SLC22A31: variants seen among roughly 807,000 people sequenced by gnomAD.
SLC22A31 encodes the protein solute carrier family 22 member 31.
Under a neutral mutation model 27.4 loss-of-function variants are expected in SLC22A31, and 42 were observed. The observed-to-expected ratio is 1.53, with a 90% confidence interval of 1.20 to 1.98. The LOEUF (loss-of-function observed/expected upper bound fraction) is 1.98. SLC22A31 is among the 30% of genes most tolerant of loss of function. SLC22A31 has a pLI of 0.00. For synonymous variants in SLC22A31, 290 were observed against 230.8 expected, an observed-to-expected ratio of 1.26 and a Z score of -2.33; for missense variants, 593 against 479.9, an observed-to-expected ratio of 1.24 and a Z score of -2.20.
chr16:89,195,822 C>T lies in SLC22A31; in HGVS notation c.*177G>A, dbSNP rs1915826767. 1 of 661,422 alleles carries T rather than the reference C, an allele frequency of 1.5e-6. No homozygotes were observed. The highest frequency in any genetic ancestry group is 2.4e-6 in the Non-Finnish European group (1 of 422,922). 41.0% of individuals were successfully genotyped at this position (661,422 alleles called of 1,614,324 possible). A position where few individuals can be genotyped will look rare whatever the true frequency, so the allele number is the denominator to read the frequency against. The stretch of plus-strand genomic sequence containing the variant: ...GTGGCTGGGGGGAGACCCAGGGCCT[C>T]CCAGTGCCTGGGGCCTGGCTGGAGA... On this transcript the variant is annotated 3_prime_UTR_variant, in exon 9 of 9. Coordinates refer to ENST00000682282, the MANE Select transcript of SLC22A31 (RefSeq NM_001384763.1).
intron 4 of SLC22A31, 72 bp downstream of exon 4, chr16:89,198,951 T>C (rs899587967): frequency 4.2e-5 from 63 of 1,507,106 alleles, no homozygotes; most frequent in Non-Finnish European, 4.9e-5. Context: ...TGGCATGGGA[T>C]ACGTCGGTGC....
intron 8 of SLC22A31, 157 bp from the exon 9 acceptor site, chr16:89,196,462 G>A: frequency 7.4e-7 from 1 of 1,348,872 alleles, no homozygotes; most frequent in Middle Eastern, 2.6e-4. Flanking sequence ...GCCCAGGCCG[G>A]CCCCTCTGTG....
At chr16:89,199,910 C>A (rs1445956995) in intron 1 of SLC22A31, 94 bp from the exon 2 acceptor site, 1 of 400,528 alleles carries the variant, frequency 2.5e-6, no homozygotes. Context: ...AAGGGGCCCT[C>A]CATGTCCTGC....
chr16:89,200,760 C>A (rs1916517682), upstream of SLC22A31, among the ~76,000 whole-genome samples: 1 of 152,208 alleles, frequency 6.6e-6, no homozygotes, highest in Non-Finnish European at 1.5e-5. Context: ...TGCCGCCCGC[C>A]TCCCCATCTC....
At chr16:89,199,372 A>G (rs933851479) in intron 3 of SLC22A31, 41 bp downstream of exon 3, 3 of 618,452 alleles carry the variant, frequency 4.9e-6, no homozygotes, top group Admixed American at 3.0e-5. Context: ...CGGGCCACCC[A>G]CTGCCCCTCC....
At chr16:89,198,963 G>A (rs946902208) in intron 4 of SLC22A31, 60 bp downstream of exon 4, 2 of 1,516,748 alleles carry the variant, frequency 1.3e-6, no homozygotes, top group Admixed American at 4.1e-5. Flanking sequence ...CGTCGGTGCA[G>A]AGGGAAGCTA....
In SLC22A31 at chr16:89,199,248, A is replaced by G. The variant is rs565679453; in HGVS notation, c.284-57T>C. The G allele has an allele frequency of 1.2e-3, 1,669 of 1,447,344 alleles. 3 individuals carry two copies. The highest frequency in any genetic ancestry group is 1.4e-3 in the Non-Finnish European group (1,564 of 1,092,744). 89.7% of individuals were successfully genotyped at this position (1,447,344 alleles called of 1,614,324 possible). ...CCTCGGGGAGGACTGGAACAGTTCC[A>G]TTGGGAACTGCGGGGACCTATTGGT... On this transcript the variant is annotated intron_variant, in intron 3 of 8. Transcript: ENST00000682282.
In SLC22A31 at chr16:89,196,015, G is replaced by A. The variant is rs780900997; in HGVS notation, c.1325C>T (p.Thr442Ile). 2 of 1,513,942 alleles carry A rather than the reference G, an allele frequency of 1.3e-6. No individual in the cohort carries two copies. Among genetic ancestry groups the A allele is most frequent in the South Asian group, 1.2e-5 (1 of 80,720 alleles). The allele number at this position is 1,513,942 out of a possible 1,614,324, so 93.8% of individuals were successfully genotyped here. The change falls in exon 9 of 9, where the codon ACC (threonine) becomes ATC (isoleucine). Residue 442 changes from threonine (T) to isoleucine (I), a missense_variant. Physicochemically the swap from Thr to Ile is moderately conservative, Grantham distance 89. Coordinates refer to ENST00000682282, the MANE Select transcript of SLC22A31 (RefSeq NM_001384763.1). ...PPSNSYWAGH[T>I]PEQH is the part of the protein sequence containing the mutation. ...CAGGCAGGACTAGTGCTGCTCGGGG[G>A]TGTGGCCGGCCCAGTAGGAGTTGGA...
At chr16:89,196,520 A>AGT in intron 8 of SLC22A31, 1 of 789,030 alleles carries the variant, frequency 1.3e-6, no homozygotes, top group Non-Finnish European at 1.9e-6. Flanking sequence ...ATTGGGGGAC[A>AGT]CACATGTGAC....
At chr16:89,198,929 C>T (rs1364349917) in intron 4 of SLC22A31, 94 bp downstream of exon 4, 1 of 1,493,420 alleles carries the variant, frequency 6.7e-7, no homozygotes, top group Admixed American at 2.1e-5. Flanking sequence ...CCCTGTAACC[C>T]ATGCGTTTAC....
chr16:89,197,798 G>T (rs1205516609), intron 7 of SLC22A31, among the ~76,000 whole-genome samples: 1 of 152,230 alleles, frequency 6.6e-6, no homozygotes, highest in African/African-American at 2.4e-5. Flanking sequence ...GAGTATATGG[G>T]CCCTCCCACA....
Position 89,198,334 on chromosome 16 carries a change from A to G in SLC22A31, c.710T>C (p.Leu237Pro). ...RNGLILGFSS[L>P]VGGGIRASFR... is the part of the protein sequence containing the mutation. ...GCTAGCTCTGATGCCTCCACCAACCAGCCTGGGAGAGAGAGCAAATCTATG... is the reference window on the plus strand; with the variant it reads ...GCTAGCTCTGATGCCTCCACCAACCGGCCTGGGAGAGAGAGCAAATCTATG... Residue 237 changes from leucine (L) to proline (P), a missense_variant and splice_region_variant, in exon 7 of 9, where the codon CTG (leucine) becomes CCG (proline). Physicochemically the swap from Leu to Pro is moderately conservative, Grantham distance 98. Coordinates refer to ENST00000682282, the MANE Select transcript of SLC22A31 (RefSeq NM_001384763.1). 3.3e-6 allele frequency: 5 copies of G among 1,535,826 alleles called. No homozygotes were observed. Among genetic ancestry groups the G allele is most frequent in the Non-Finnish European group, 4.4e-6 (5 of 1,146,848 alleles).
In SLC22A31 at chr16:89,198,722, C is replaced by T. The variant is rs1160880353; in HGVS notation, c.528G>A (p.Leu176=). The part of the protein sequence containing the change: ...TGQVARARKI[L]WRFAEASGVG... ...CGCCACTGGCTTCTGCAAAGCGCCA[C>T]AGGATCTTCCTGGCTCGAGCTACCT... is the stretch of plus-strand genomic sequence containing the variant. Residue 176 remains leucine, a synonymous_variant, in exon 5 of 9, where the codon CTG becomes CTA. Coordinates refer to ENST00000682282, the MANE Select transcript of SLC22A31 (RefSeq NM_001384763.1). 2 of 1,535,788 alleles carry T rather than the reference C, an allele frequency of 1.3e-6. No individual in the cohort carries two copies. Among genetic ancestry groups the T allele is most frequent in the East Asian group, 2.4e-5 (1 of 40,906 alleles).
At chr16:89,196,743 C>T (rs1448427572) in intron 8 of SLC22A31, among the ~76,000 whole-genome samples, 8 of 151,986 alleles carry the variant, frequency 5.3e-5, no homozygotes, top group African/African-American at 1.2e-4. Flanking sequence ...GTCAGGAGAT[C>T]GAGACCATCC....
chr16:89,198,615 G>C, intron 5 of SLC22A31, 37 bp downstream of exon 5: 1 of 1,528,590 alleles, frequency 6.5e-7, no homozygotes, highest in South Asian at 1.2e-5. Context: ...CCCTCCTCCA[G>C]TACCTGAATC....
chr16:89,196,305 C>G lies in SLC22A31; in HGVS notation c.1035G>C (p.Arg345Ser), dbSNP rs894777592. The change falls in exon 9 of 9, where the codon AGG (arginine) becomes AGC (serine). Residue 345 changes from arginine to serine, a missense_variant and splice_region_variant. Arg to Ser is a moderately radical substitution (Grantham distance 110). Coordinates refer to ENST00000682282, the MANE Select transcript of SLC22A31 (RefSeq NM_001384763.1). ...CCAGCACCAGGCCCAGCCCGGCCCCCCTGTGGGACAGAGTGTGTTGGGGGC... is the reference window on the plus strand; with the variant it reads ...CCAGCACCAGGCCCAGCCCGGCCCCGCTGTGGGACAGAGTGTGTTGGGGGC... ...FAAEVFPTVIRGAGLGLVLGA... is the reference protein window; with the variant it reads ...FAAEVFPTVISGAGLGLVLGA... 2.9e-5 allele frequency: 43 copies of G among 1,458,930 alleles called. No individual in the cohort carries two copies. The highest frequency in any genetic ancestry group is 4.9e-4 in the Middle Eastern group (2 of 4,100). The allele number at this position is 1,458,930 out of a possible 1,614,324, so 90.4% of individuals were successfully genotyped here.
upstream of SLC22A31, chr16:89,201,455 C>A (rs540913455): frequency 7.7e-6 from 3 of 390,914 alleles, no homozygotes; most frequent in African/African-American, 4.2e-5. Context: ...TGGCGGCGTC[C>A]AGCAGCGCGG....
At position 89,199,117 on chromosome 16, in the gene SLC22A31, G is replaced by A. The variant is rs1236727963; in HGVS notation, c.358C>T (p.Leu120=). 1 of 1,533,996 alleles carries A rather than the reference G, an allele frequency of 6.5e-7. No individual in the cohort carries two copies. Among genetic ancestry groups the A allele is most frequent in the East Asian group, 2.5e-5 (1 of 40,746 alleles). The change falls in exon 4 of 9, where the codon CTG becomes TTG. Residue 120 remains leucine, a synonymous_variant. Transcript: ENST00000682282. The part of the protein sequence containing the change: ...GAGLFSVVGT[L]LLPGLAALVQ... The stretch of plus-strand genomic sequence containing the variant: ...AGCGCAGCCAGGCCGGGCAGCAGCA[G>A]GGTGCCCACCACCGAGAAAAGGCCA...
upstream of SLC22A31, among the ~76,000 whole-genome samples, chr16:89,200,844 G>A (rs796439586): frequency 2.4e-4 from 37 of 152,340 alleles, no homozygotes; most frequent in African/African-American, 8.9e-4. Context: ...CCTCACTGAT[G>A]GGAAGCCCAC....
Sources: allele counts gnomAD v4.1 joint callset (sites outside exome capture counted in the v4.1 genomes callset), GRCh38; gene constraint gnomAD v4.1.1; transcripts MANE v1.5; gene names NCBI Gene and HGNC (gene_info 2026-07-23, HGNC 2026-07-21).